The following THOC2 variants were observed in gnomAD, a reference collection of about 807,000 sequenced individuals.
The protein encoded by THOC2 is THO complex 2.
In THOC2, 10 loss-of-function variants were observed where a neutral mutation model predicts 128.4. The ratio of observed to expected loss-of-function variants is 0.08; its 90% confidence interval spans 0.05 to 0.13. The LOEUF (loss-of-function observed/expected upper bound fraction) is 0.13, where lower values mean the gene tolerates loss of function less well. THOC2 is among the 10% of genes least tolerant of loss of function. THOC2 has a pLI of 1.00. For synonymous variants in THOC2, 393 were observed against 396.9 expected (o/e 0.99, Z 0.12); for missense variants, 535 against 1,155.7 (o/e 0.46, Z 7.79).
At chrX:123,697,953 A>G (rs2050511618) in intron 4 of THOC2, among the ~76,000 whole-genome samples, 1 of 111,866 alleles carries the variant, frequency 8.9e-6, no homozygotes, top group South Asian at 3.7e-4. Context: ...GTGACCTATG[A>G]CAGATCCATA....
In THOC2 at chrX:123,624,171, T is replaced by G. The variant is rs2047179243; in HGVS notation, c.3207A>C (p.Gly1069=). ...CAGTTGCCCGTAATATGGTAAGGAA[T>G]CCTGGATAGTTTCCACATTCCTAAG... ...TYEKECGNYP[G]FLTILRATGF... Residue 1069 remains glycine, a synonymous_variant, in exon 27 of 39, where the codon GGA becomes GGC. Coordinates refer to ENST00000245838, the MANE Select transcript of THOC2 (RefSeq NM_001081550.2). 1 of 1,190,982 alleles carries G rather than the reference T, an allele frequency of 8.4e-7. No homozygotes were observed. The highest frequency in any genetic ancestry group is 1.8e-5 in the African/African-American group (1 of 56,131).
intron 38 of THOC2, among the ~76,000 whole-genome samples, chrX:123,608,697 G>A (rs972483202): frequency 8.9e-6 from 1 of 111,803 alleles, no homozygotes; most frequent in African/African-American, 3.2e-5. Context: ...ATCCAAGATC[G>A]CACCATTACA....
intron 13 of THOC2, 103 bp from the exon 14 acceptor site, chrX:123,645,012 T>A (rs1453544246): frequency 3.0e-6 from 2 of 669,219 alleles, no homozygotes; most frequent in African/African-American, 4.4e-5. Flanking sequence ...CTTAATAACA[T>A]AACACACAAT....
At chrX:123,647,133 G>A (rs2048158879) in intron 12 of THOC2, among the ~76,000 whole-genome samples, 1 of 111,133 alleles carries the variant, frequency 9.0e-6, no homozygotes, top group Non-Finnish European at 1.9e-5. Flanking sequence ...CATTAAGCAG[G>A]AAAATTTGAA....
intron 7 of THOC2, among the ~76,000 whole-genome samples, chrX:123,688,794 T>C (rs973856021): frequency 8.9e-6 from 1 of 111,919 alleles, no homozygotes; most frequent in Non-Finnish European, 1.9e-5. Context: ...TTTTACTGTA[T>C]GTCAAGGAAG....
At chrX:123,602,363 T>C (rs2046311872) in intron 38 of THOC2, 1 of 112,434 alleles carries the variant, frequency 8.9e-6, no homozygotes, top group South Asian at 3.7e-4. Context: ...TAAAATGTGG[T>C]ACACACTCAT....
intron 12 of THOC2, among the ~76,000 whole-genome samples, chrX:123,648,992 G>T (rs1223018325): frequency 8.9e-6 from 1 of 112,256 alleles, no homozygotes; most frequent in Non-Finnish European, 1.9e-5. Context: ...TCCTCAAGTG[G>T]GTCCCTGATC....
rs1464989209 is a variant in THOC2 at position 123,601,091 on chromosome X, T to C, written c.*266A>G. 1.8e-5 allele frequency: 2 copies of C among 112,477 alleles called. No individual in the cohort carries two copies. Among genetic ancestry groups the C allele is most frequent in the Non-Finnish European group, 3.8e-5 (2 of 53,259 alleles). 9.3% of individuals were successfully genotyped at this position (112,477 alleles called of 1,213,427 possible). On this transcript the variant is annotated 3_prime_UTR_variant, in exon 39 of 39. Coordinates refer to ENST00000245838, the MANE Select transcript of THOC2 (RefSeq NM_001081550.2). ...TACACAGGTAACCTTATGCAGCACA[T>C]TGTGCTAAAAGTATGGAACAGTTAA...
intron 12 of THOC2, among the ~76,000 whole-genome samples, chrX:123,651,740 C>T (rs1306802766): frequency 9.8e-5 from 10 of 102,061 alleles, no homozygotes; most frequent in African/African-American, 3.6e-4. Context: ...CCCCCCAAGA[C>T]TAAACCAGGA....
In THOC2 at chrX:123,621,551, C is replaced by A; in HGVS notation, c.3822G>T (p.Gly1274=). ...CTTTTTTCTCTTTTTCTTTCTCTTT[C>A]CCTTTTTCTTTGTCATTTTCTTTAA... is the stretch of plus-strand genomic sequence containing the variant. ...KAVKENDKEK[G]KEKEKEKKEK... The change falls in exon 31 of 39, where the codon GGG becomes GGT. Residue 1274 remains glycine, a synonymous_variant. Coordinates refer to ENST00000245838, the MANE Select transcript of THOC2 (RefSeq NM_001081550.2). The A allele has an allele frequency of 8.6e-7, 1 of 1,159,924 alleles. No individual in the cohort carries two copies. The highest frequency in any genetic ancestry group is 1.1e-6 in the Non-Finnish European group (1 of 871,782).
At chrX:123,706,135 GT>G (rs915781552) in intron 3 of THOC2, among the ~76,000 whole-genome samples, 3 of 110,576 alleles carry the variant, frequency 2.7e-5, no homozygotes, top group African/African-American at 9.8e-5. Context: ...ATGTAAAAGA[GT>G]TTTTTTTAAT....
At chrX:123,711,421 G>A (rs1315648537) in intron 2 of THOC2, among the ~76,000 whole-genome samples, 1 of 110,170 alleles carries the variant, frequency 9.1e-6, no homozygotes, top group South Asian at 3.9e-4. Flanking sequence ...CGAAAGGACT[G>A]CTTGAGGTCA....
At chrX:123,644,099 A>G (rs1430415072) in intron 15 of THOC2, among the ~76,000 whole-genome samples, 1 of 112,415 alleles carries the variant, frequency 8.9e-6, no homozygotes, top group Non-Finnish European at 1.9e-5. Flanking sequence ...AAGTGTACAA[A>G]TTTTTTTAAA....
At position 123,696,071 on chromosome X, in the gene THOC2, G is replaced by C; in HGVS notation, c.551C>G (p.Ser184Cys). 8.7e-7 allele frequency: 1 copy of C among 1,154,392 alleles called. No homozygotes were observed. ...GATTAAATCACTAGTAATACTTCCAGATAAATCTTGCCCCAATTCAGCAAT... is the reference window on the plus strand; with the variant it reads ...GATTAAATCACTAGTAATACTTCCACATAAATCTTGCCCCAATTCAGCAAT... ...KLIAELGQDL[S>C]GSITSDLILE... is the part of the protein sequence containing the mutation. Residue 184 changes from serine (S) to cysteine (C), a missense_variant, in exon 7 of 39, where the codon TCT becomes TGT. By Grantham distance (112) the Ser-to-Cys change is moderately radical (BLOSUM62 -1). This residue lies in a region of THOC2 where 10 missense variants were observed against 63.0 expected (regional missense o/e 0.16). Coordinates refer to ENST00000245838, the MANE Select transcript of THOC2 (RefSeq NM_001081550.2).
intron 2 of THOC2, among the ~76,000 whole-genome samples, chrX:123,710,549 A>T (rs1471178648): frequency 8.9e-6 from 1 of 111,741 alleles, no homozygotes; most frequent in African/African-American, 3.3e-5. Flanking sequence ...ACTGTCTATC[A>T]ACCTCAAAAA....
intron 2 of THOC2, among the ~76,000 whole-genome samples, chrX:123,707,446 T>C (rs1447063930): frequency 8.9e-6 from 1 of 111,959 alleles, no homozygotes; most frequent in Non-Finnish European, 1.9e-5. Flanking sequence ...GTTTTAACCA[T>C]ACCCTAGTGT....
At chrX:123,622,724 T>C (rs750025574) in intron 30 of THOC2, 34 bp downstream of exon 30, 1 of 972,024 alleles carries the variant, frequency 1.0e-6, no homozygotes, top group South Asian at 2.2e-5. Flanking sequence ...TTAAAAAGAA[T>C]TTAGAATTAT....
chrX:123,673,236 G>A (rs1237066172), intron 8 of THOC2, among the ~76,000 whole-genome samples: 2 of 111,732 alleles, frequency 1.8e-5, no homozygotes, highest in African/African-American at 6.5e-5. Flanking sequence ...CTACCTGGGA[G>A]GCTGAAGCAG....
intron 8 of THOC2, among the ~76,000 whole-genome samples, chrX:123,672,856 A>G (rs1168687337): frequency 1.8e-5 from 2 of 112,542 alleles, no homozygotes; most frequent in Admixed American, 9.4e-5. Flanking sequence ...ACAATACACT[A>G]TGTTCTTTTT....
Sources: allele counts gnomAD v4.1 joint callset (sites outside exome capture counted in the v4.1 genomes callset), GRCh38; gene constraint gnomAD v4.1.1; regional missense constraint gnomAD v4.1.1; transcripts MANE v1.5; gene names NCBI Gene and HGNC (gene_info 2026-07-23, HGNC 2026-07-21).